Variants in RNF13 observed in about 807,000 individuals in gnomAD.
The protein encoded by RNF13 is ring finger protein 13, also known as E3 ubiquitin-protein ligase RNF13.
A neutral mutation model predicts 37.7 loss-of-function variants in RNF13; 19 were observed. That is an observed-to-expected ratio of 0.50 (90% confidence interval 0.35 to 0.74). The LOEUF is 0.74. Among genes scored for constraint, RNF13 ranks in the 30% least tolerant of loss-of-function variants. The probability of loss-of-function intolerance (pLI) is 0.01; values close to 1 mark genes in which losing one functional copy is unlikely to be tolerated. For missense variants in RNF13, 375 were observed against 453.0 expected (o/e 0.83, Z 1.56); for synonymous variants, 144 against 157.8 (o/e 0.91, Z 0.65).
At chr3:149,904,205 AT>A (rs1162542956) in intron 6 of RNF13, among the ~76,000 whole-genome samples, 1 of 152,110 alleles carries the variant, frequency 6.6e-6, no homozygotes, top group Non-Finnish European at 1.5e-5. Context: ...TGGGTATTTT[AT>A]TTTTCTATGC....
At chr3:149,950,862 A>G (rs943575856) in intron 8 of RNF13, among the ~76,000 whole-genome samples, 1 of 152,120 alleles carries the variant, frequency 6.6e-6, no homozygotes, top group African/African-American at 2.4e-5. Context: ...AGGTGGGACA[A>G]GATGGCTGGC....
intron 6 of RNF13, among the ~76,000 whole-genome samples, chr3:149,908,996 G>T (rs1395504712): frequency 2.0e-5 from 3 of 152,126 alleles, no homozygotes. Context: ...TTTAGGCATG[G>T]ACATAGAGGC....
chr3:149,833,864 A>G (rs1324301339), intron 1 of RNF13, among the ~76,000 whole-genome samples: 5 of 152,246 alleles, frequency 3.3e-5, no homozygotes, highest in Admixed American at 1.3e-4. Flanking sequence ...TAGGCAATCT[A>G]AGATTCCACA....
chr3:149,905,616 G>C (rs1444129095), intron 6 of RNF13, among the ~76,000 whole-genome samples: 1 of 150,918 alleles, frequency 6.6e-6, no homozygotes, highest in Non-Finnish European at 1.5e-5. Flanking sequence ...TCTTAATAAA[G>C]TTTTCCCTAC....
In RNF13 at chr3:149,860,241, GA is replaced by G. The variant is rs1259648120; in HGVS notation, c.195+7646del. 1.5e-4 allele frequency among the ~76,000 whole-genome samples: 16 copies of G among 108,700 alleles called. No individual in the cohort carries two copies. In the Admixed American group the frequency reaches 1.9e-3, roughly 13 times the overall value. 71.3% of individuals were successfully genotyped at this position (108,700 alleles called of 152,430 possible). A position where few individuals can be genotyped will look rare whatever the true frequency, so the allele number is the denominator to read the frequency against. On this transcript the variant is annotated intron_variant, in intron 3 of 9. Coordinates refer to ENST00000392894, the MANE Select transcript of RNF13 (RefSeq NM_183381.3). The stretch of plus-strand genomic sequence containing the variant: ...CCACTGCACCCCAGCCTGGGCAACA[GA>G]GAGAGACTCCATCTAAAAAAAAAAA...
At chr3:149,841,543 A>G (rs918316118) in intron 1 of RNF13, among the ~76,000 whole-genome samples, 7 of 152,244 alleles carry the variant, frequency 4.6e-5, no homozygotes, top group Admixed American at 2.0e-4. Flanking sequence ...TGCTGGAAAC[A>G]GTGAGCTGAT....
chr3:149,929,416 T>G (rs1481222616), intron 8 of RNF13, among the ~76,000 whole-genome samples: 1 of 152,182 alleles, frequency 6.6e-6, no homozygotes, highest in African/African-American at 2.4e-5. Flanking sequence ...GTGGGGATTA[T>G]GTGTATTATA....
intron 1 of RNF13, among the ~76,000 whole-genome samples, chr3:149,825,609 T>C (rs918002632): frequency 2.0e-5 from 3 of 152,216 alleles, no homozygotes; most frequent in Admixed American, 2.0e-4. Context: ...TCTGGTCTGG[T>C]CAACCCAGTG....
rs1712143003 is a variant in RNF13 at position 149,872,114 on chromosome 3, T to C, written c.281T>C (p.Ile94Thr). 1 of 1,597,866 alleles carries C rather than the reference T, an allele frequency of 6.3e-7. No individual in the cohort carries two copies. The highest frequency in any genetic ancestry group is 1.3e-5 in the African/African-American group (1 of 74,524). The part of the protein sequence containing the change: ...PVKDNSSGTF[I>T]VLIRRLDCNF... The stretch of plus-strand genomic sequence containing the variant: ...AAAGACAATTCATCTGGCACTTTCA[T>C]CGTGTTAATTAGAAGACTTGATTGT... The change falls in exon 4 of 10, where the codon ATC (isoleucine) becomes ACC (threonine). Residue 94 changes from isoleucine to threonine, a missense_variant. Physicochemically the swap from Ile to Thr is moderately conservative, Grantham distance 89. Coordinates refer to ENST00000392894, the MANE Select transcript of RNF13 (RefSeq NM_183381.3).
chr3:149,913,809 C>G (rs1376783232), intron 7 of RNF13, among the ~76,000 whole-genome samples: 4 of 152,296 alleles, frequency 2.6e-5, no homozygotes, highest in African/African-American at 7.2e-5. Context: ...TGTAGAACAT[C>G]ACTGATGATG....
chr3:149,958,352 T>C (rs1433080012), intron 8 of RNF13, among the ~76,000 whole-genome samples: 1 of 152,188 alleles, frequency 6.6e-6, no homozygotes, highest in Non-Finnish European at 1.5e-5. Context: ...TTCCTTGACT[T>C]GTGACCCTTC....
intron 1 of RNF13, among the ~76,000 whole-genome samples, chr3:149,825,594 C>G (rs1720422286): frequency 6.6e-6 from 1 of 152,218 alleles, no homozygotes; most frequent in South Asian, 2.1e-4. Flanking sequence ...CAACCTTGGA[C>G]CAGCTCTGGT....
intron 8 of RNF13, among the ~76,000 whole-genome samples, chr3:149,943,330 G>A (rs555206339): frequency 1.3e-5 from 2 of 151,952 alleles, no homozygotes; most frequent in East Asian, 3.9e-4. Context: ...CACAGGCAAA[G>A]CCTTACCAAT....
chr3:149,813,244 C>T lies in RNF13; in HGVS notation c.-126C>T, dbSNP rs932253283. The stretch of plus-strand genomic sequence containing the variant: ...AGGTGTTGTCGTCCCTGCTAGTACT[C>T]CGGGCTGTGGGGGTCGGTGCGGATA... On this transcript the variant is annotated 5_prime_UTR_variant, in exon 1 of 10. Transcript: ENST00000392894. The T allele has an allele frequency of 1.3e-5, 2 of 151,706 alleles. No homozygotes were observed. The highest frequency in any genetic ancestry group is 6.5e-5 in the Admixed American group (1 of 15,286). The allele number at this position is 151,706 out of a possible 1,614,324, so 9.4% of individuals were successfully genotyped here.
At chr3:149,899,436 A>G (rs1270453956) in intron 5 of RNF13, among the ~76,000 whole-genome samples, 1 of 152,304 alleles carries the variant, frequency 6.6e-6, no homozygotes, top group African/African-American at 2.4e-5. Flanking sequence ...GCAACAGAGC[A>G]AGACTCCGTC....
chr3:149,818,517 G>A (rs572010082), intron 1 of RNF13, among the ~76,000 whole-genome samples: 1 of 152,258 alleles, frequency 6.6e-6, no homozygotes, highest in African/African-American at 2.4e-5. Flanking sequence ...GTTTATTACA[G>A]GGAGAAGGTG....
chr3:149,831,356 C>G (rs1249393680), intron 1 of RNF13, among the ~76,000 whole-genome samples: 1 of 152,238 alleles, frequency 6.6e-6, no homozygotes, highest in East Asian at 1.9e-4. Context: ...AGGAGCAGAA[C>G]TGCCCAAGTC....
chr3:149,906,129 A>G (rs1270470803), intron 6 of RNF13, among the ~76,000 whole-genome samples: 1 of 152,074 alleles, frequency 6.6e-6, no homozygotes, highest in Non-Finnish European at 1.5e-5. Context: ...TAATGTTTTC[A>G]AGGTTCATCA....
chr3:149,850,606 A>G (rs1232070500), intron 2 of RNF13, among the ~76,000 whole-genome samples: 1 of 152,246 alleles, frequency 6.6e-6, no homozygotes, highest in Non-Finnish European at 1.5e-5. Flanking sequence ...AGGAAGAGAT[A>G]AAAGAATACT....
Sources: gnomAD v4.1 joint callset for allele counts (sites outside exome capture counted in the v4.1 genomes callset) on GRCh38, gnomAD v4.1.1 for gene constraint, MANE v1.5 for transcripts, NCBI Gene and HGNC (gene_info 2026-07-23, HGNC 2026-07-21) for gene names.